The following SYN3 variants were observed in gnomAD, a reference collection of about 807,000 sequenced individuals.
The protein encoded by SYN3 is synapsin-3.
SYN3 carries 35 observed loss-of-function variants against 65.8 expected under a neutral mutation model. That is an observed-to-expected ratio of 0.53 (90% CI 0.41 to 0.70). The LOEUF (loss-of-function observed/expected upper bound fraction) is 0.70, where lower values mean the gene tolerates loss of function less well. SYN3 is among the 30% of genes least tolerant of loss of function. SYN3 has a pLI of 0.00. For missense variants in SYN3, 680 were observed against 749.0 expected, an observed-to-expected ratio of 0.91 and a Z score of 1.08; for synonymous variants, 270 against 292.9, an observed-to-expected ratio of 0.92 and a Z score of 0.80.
intron 13 of SYN3, among the ~76,000 whole-genome samples, chr22:32,516,393 T>C (rs1231348623): frequency 2.0e-5 from 3 of 151,778 alleles, no homozygotes; most frequent in African/African-American, 7.3e-5. Flanking sequence ...AGATGGAGTC[T>C]CACTTTGTTG....
At chr22:32,601,459 A>C (rs937177200) in intron 6 of SYN3, among the ~76,000 whole-genome samples, 14 of 152,116 alleles carry the variant, frequency 9.2e-5, no homozygotes, top group East Asian at 5.8e-4. Context: ...TTGTATTTTT[A>C]GTAGAGACGG....
At chr22:32,666,144 C>T (rs1175568150) in intron 6 of SYN3, among the ~76,000 whole-genome samples, 6 of 152,132 alleles carry the variant, frequency 3.9e-5, no homozygotes, top group Non-Finnish European at 7.3e-5. Flanking sequence ...GGTCATTTTC[C>T]TCCACCATTA....
At chr22:33,039,409 T>C (rs9609691) in intron 1 of SYN3, among the ~76,000 whole-genome samples, 25,211 of 147,384 alleles carry the variant, frequency 0.17, 2,464 homozygotes, top group East Asian at 0.41. Context: ...AGAGTCTCAC[T>C]CTGTTACCCA....
At position 32,545,615 on chromosome 22, in the gene SYN3, C is replaced by T. The variant is rs150723947; in HGVS notation, c.775-3902G>A. On this transcript the variant is annotated intron_variant, in intron 7 of 13. Coordinates refer to ENST00000358763, the MANE Select transcript of SYN3 (RefSeq NM_003490.4). ...TTACTCTGTTGCCCAGGCTGGAGTGCAATGGTGCAATCTTGGCTCACTACA... is the reference window on the plus strand; with the variant it reads ...TTACTCTGTTGCCCAGGCTGGAGTGTAATGGTGCAATCTTGGCTCACTACA... Among the ~76,000 whole-genome samples the T allele has an allele frequency of 7.9e-5, 12 of 152,256 alleles. No homozygotes were observed. The East Asian group carries it at 2.3e-3, about 29-fold the overall frequency.
chr22:32,591,895 G>C (rs1307964940), intron 7 of SYN3, among the ~76,000 whole-genome samples: 1 of 152,184 alleles, frequency 6.6e-6, no homozygotes, highest in Non-Finnish European at 1.5e-5. Context: ...ACTGCGTCCA[G>C]CACGTCCATG....
intron 4 of SYN3, among the ~76,000 whole-genome samples, chr22:32,914,635 G>C (rs2050142731): frequency 6.6e-6 from 1 of 151,826 alleles, no homozygotes; most frequent in African/African-American, 2.4e-5. Context: ...GTAGAGACAG[G>C]GTTTCACCGT....
intron 6 of SYN3, among the ~76,000 whole-genome samples, chr22:32,653,962 T>C (rs563119202): frequency 3.6e-4 from 55 of 152,344 alleles, no homozygotes; most frequent in African/African-American, 1.3e-3. Flanking sequence ...CACGTGCCAC[T>C]GCACCATTAG....
intron 2 of SYN3, among the ~76,000 whole-genome samples, chr22:32,990,338 AT>A (rs1400225751): frequency 6.6e-6 from 1 of 151,362 alleles, no homozygotes; most frequent in Non-Finnish European, 1.5e-5. Context: ...CCATCCATCC[AT>A]CCATCCACCC....
intron 1 of SYN3, among the ~76,000 whole-genome samples, chr22:33,007,826 A>G (rs1035650962): frequency 6.6e-5 from 10 of 152,268 alleles, no homozygotes; most frequent in South Asian, 4.1e-4. Flanking sequence ...ACAGAGTAAC[A>G]TAAGTTTAAA....
chr22:32,774,920 C>T (rs1229692280), intron 6 of SYN3, among the ~76,000 whole-genome samples: 1 of 152,228 alleles, frequency 6.6e-6, no homozygotes, highest in Non-Finnish European at 1.5e-5. Flanking sequence ...ACCCATTCCA[C>T]TCATTCAACA....
chr22:32,616,301 C>G (rs955643799), intron 6 of SYN3, among the ~76,000 whole-genome samples: 5 of 152,128 alleles, frequency 3.3e-5, no homozygotes, highest in African/African-American at 1.2e-4. Context: ...AGCCAGGAAA[C>G]TTCCAGGGTC....
chr22:32,713,766 G>A (rs763400024), intron 6 of SYN3, among the ~76,000 whole-genome samples: 2 of 151,102 alleles, frequency 1.3e-5, no homozygotes, highest in Admixed American at 6.6e-5. Flanking sequence ...GGGAGGCAAC[G>A]CTTGCAGTGA....
At chr22:32,681,430 A>G (rs2060521330) in intron 6 of SYN3, among the ~76,000 whole-genome samples, 4 of 152,156 alleles carry the variant, frequency 2.6e-5, no homozygotes, top group Non-Finnish European at 5.9e-5. Context: ...TTGTGCCTGG[A>G]TTTGTTCTAG....
At chr22:33,046,841 TA>T (rs71187229) in intron 1 of SYN3, among the ~76,000 whole-genome samples, 31,779 of 92,686 alleles carry the variant, frequency 0.34, 5,220 homozygotes, top group East Asian at 0.41. Flanking sequence ...AGTCTCTGTT[TA>T]AAAAAAAAAA....
chr22:33,029,036 T>A (rs2053701006), intron 1 of SYN3, among the ~76,000 whole-genome samples: 1 of 149,512 alleles, frequency 6.7e-6, no homozygotes, highest in African/African-American at 2.5e-5. Context: ...CGAGACTCTG[T>A]CTCAAAAAAA....
chr22:32,906,311 G>C (rs2049900916), intron 4 of SYN3, among the ~76,000 whole-genome samples: 1 of 152,080 alleles, frequency 6.6e-6, no homozygotes, highest in African/African-American at 2.4e-5. Context: ...CCCTGGAGTG[G>C]GGAACAGGAA....
intron 6 of SYN3, among the ~76,000 whole-genome samples, chr22:32,715,169 C>T (rs2061019804): frequency 1.3e-5 from 2 of 152,200 alleles, no homozygotes; most frequent in Admixed American, 6.5e-5. Context: ...GTAGCGTTTG[C>T]TTATTTTCAT....
At chr22:32,557,473 C>T (rs9621489) in intron 7 of SYN3, among the ~76,000 whole-genome samples, 36,332 of 152,168 alleles carry the variant, frequency 0.24, 4,572 homozygotes, top group Admixed American at 0.32. Context: ...ATCTTTCCTG[C>T]TTTTTACTGG....
chr22:32,806,492 A>G (rs135025), intron 6 of SYN3, among the ~76,000 whole-genome samples: 89,385 of 152,004 alleles, frequency 0.59, 26,633 homozygotes, highest in African/African-American at 0.68. Context: ...ACCTTTTGTC[A>G]TAGTCTACTC....
Sources: allele counts gnomAD v4.1 joint callset (sites outside exome capture counted in the v4.1 genomes callset), GRCh38; gene constraint gnomAD v4.1.1; transcripts MANE v1.5; gene names NCBI Gene and HGNC (gene_info 2026-07-23, HGNC 2026-07-21).